Variants in TBC1D22A observed in about 807,000 individuals in gnomAD.
TBC1D22A encodes putative GTPase activator.
A neutral mutation model predicts 60.2 loss-of-function variants in TBC1D22A; 38 were observed. The observed-to-expected ratio is 0.63, with a 90% CI of 0.49 to 0.83. The LOEUF is 0.83. TBC1D22A is among the 40% of genes least tolerant of loss of function. The pLI is 0.00. For missense variants in TBC1D22A, 628 were observed against 701.0 expected, an observed-to-expected ratio of 0.90 and a Z score of 1.18; for synonymous variants, 302 against 281.7, an observed-to-expected ratio of 1.07 and a Z score of -0.72.
intron 4 of TBC1D22A, among the ~76,000 whole-genome samples, chr22:46,808,654 G>T (rs983567807): frequency 6.6e-6 from 1 of 152,116 alleles, no homozygotes; most frequent in Non-Finnish European, 1.5e-5. Flanking sequence ...GAGTGCAGTG[G>T]CGCGATGTTG....
At chr22:47,169,361 C>T (rs749192430) in intron 12 of TBC1D22A, among the ~76,000 whole-genome samples, 2 of 152,174 alleles carry the variant, frequency 1.3e-5, no homozygotes, top group African/African-American at 4.8e-5. Context: ...AAGTCGCCCA[C>T]CATCCTGAGA....
intron 8 of TBC1D22A, among the ~76,000 whole-genome samples, chr22:46,928,997 G>C (rs375935221): frequency 6.6e-6 from 1 of 152,120 alleles, no homozygotes; most frequent in Admixed American, 6.6e-5. Flanking sequence ...AGTTTCTTCT[G>C]GGGGGAGGCA....
At chr22:46,997,745 C>A (rs562285105) in intron 10 of TBC1D22A, 36 bp downstream of exon 10, 1 of 1,602,638 alleles carries the variant, frequency 6.2e-7, no homozygotes. Context: ...TCTCTGTGGG[C>A]GGGGGGAGGT....
At chr22:47,113,797 A>C (rs2065933278) in intron 12 of TBC1D22A, among the ~76,000 whole-genome samples, 1 of 152,126 alleles carries the variant, frequency 6.6e-6, no homozygotes, top group South Asian at 2.1e-4. Context: ...CCGGCCCTGG[A>C]GGCTGAAGCA....
At chr22:46,945,282 T>C (rs2072462578) in intron 8 of TBC1D22A, among the ~76,000 whole-genome samples, 1 of 152,230 alleles carries the variant, frequency 6.6e-6, no homozygotes, top group Non-Finnish European at 1.5e-5. Flanking sequence ...CATTCACTCA[T>C]TCATTCAGCG....
At chr22:46,774,770 C>T (rs781740916) in intron 1 of TBC1D22A, among the ~76,000 whole-genome samples, 10 of 152,156 alleles carry the variant, frequency 6.6e-5, no homozygotes, top group Admixed American at 1.3e-4. Context: ...CGACTGCATC[C>T]GCTCTGTTCC....
At chr22:47,167,529 A>C (rs1260528140) in intron 12 of TBC1D22A, among the ~76,000 whole-genome samples, 1 of 152,190 alleles carries the variant, frequency 6.6e-6, no homozygotes, top group African/African-American at 2.4e-5. Context: ...TTGCTCTCGC[A>C]GTTTGGCAAG....
intron 10 of TBC1D22A, among the ~76,000 whole-genome samples, chr22:47,003,565 G>T (rs374284734): frequency 9.9e-6 from 1 of 100,568 alleles, no homozygotes; most frequent in African/African-American, 4.1e-5. Context: ...CACACCCTAC[G>T]CACACATGCC....
intron 11 of TBC1D22A, among the ~76,000 whole-genome samples, chr22:47,064,654 T>G (rs1276660804): frequency 2.0e-5 from 3 of 152,236 alleles, no homozygotes; most frequent in African/African-American, 7.2e-5. Flanking sequence ...CTGTGGTGAC[T>G]GTCGCCATCA....
At chr22:46,818,845 T>C (rs1468591729) in intron 4 of TBC1D22A, among the ~76,000 whole-genome samples, 1 of 152,118 alleles carries the variant, frequency 6.6e-6, no homozygotes, top group Non-Finnish European at 1.5e-5. Flanking sequence ...ATTTTTACGA[T>C]GTTGATTCTT....
chr22:47,060,379 T>C lies in TBC1D22A; in HGVS notation c.1329+23181T>C, dbSNP rs192292293. Among the ~76,000 whole-genome samples, 99 of 151,890 alleles carry C rather than the reference T, an allele frequency of 6.5e-4. 1 individual carries two copies. The Middle Eastern group carries it at 0.014, about 21-fold the overall frequency. On this transcript the variant is annotated intron_variant, in intron 11 of 12. Transcript: ENST00000337137. ...GCCTCAGCCTCCCAAGTAGTTGGGA[T>C]TACAGGCGCCCACCACCATGCCCAG... is the stretch of plus-strand genomic sequence containing the variant.
chr22:46,855,525 G>A (rs114397701), intron 4 of TBC1D22A, among the ~76,000 whole-genome samples: 2,206 of 152,278 alleles, frequency 0.014, 49 homozygotes, highest in African/African-American at 0.051. Flanking sequence ...ATGCAGGAAG[G>A]GAGTGATTGT....
intron 10 of TBC1D22A, among the ~76,000 whole-genome samples, chr22:47,010,929 C>T (rs1030400657): frequency 5.3e-5 from 8 of 152,204 alleles, no homozygotes; most frequent in African/African-American, 1.9e-4. Context: ...GTCCCTGACT[C>T]TGGCCTTGGG....
At chr22:47,125,209 C>A (rs764983071) in intron 12 of TBC1D22A, among the ~76,000 whole-genome samples, 17 of 152,150 alleles carry the variant, frequency 1.1e-4, no homozygotes, top group Non-Finnish European at 2.2e-4. Context: ...CCAAATGCAC[C>A]CCCCTGGGTT....
intron 4 of TBC1D22A, among the ~76,000 whole-genome samples, chr22:46,824,850 A>G (rs1215622701): frequency 6.6e-6 from 1 of 152,004 alleles, no homozygotes; most frequent in Non-Finnish European, 1.5e-5. Flanking sequence ...TTTGGGGAGA[A>G]AAGAGACGGA....
chr22:46,994,550 CTT>C (rs1472109983), intron 9 of TBC1D22A, among the ~76,000 whole-genome samples: 3 of 152,242 alleles, frequency 2.0e-5, no homozygotes, highest in Non-Finnish European at 4.4e-5. Flanking sequence ...CGTGGCCTCT[CTT>C]GGAGTGGAAG....
At chr22:46,801,905 T>C (rs146579814) in intron 4 of TBC1D22A, among the ~76,000 whole-genome samples, 1 of 152,336 alleles carries the variant, frequency 6.6e-6, no homozygotes, top group Non-Finnish European at 1.5e-5. Flanking sequence ...AACAGAAGTT[T>C]GGAGCCGTAC....
In TBC1D22A at chr22:46,792,496, G is replaced by A. The variant is rs754843021; in HGVS notation, c.63-24G>A. On this transcript the variant is annotated intron_variant, in intron 1 of 12. Coordinates refer to ENST00000337137, the MANE Select transcript of TBC1D22A (RefSeq NM_014346.5). ...TGGGAAGGCAGGAGAGAGGCTCACT[G>A]GTTTTCCTTTTCTTTTCCATCAGCA... The A allele has an allele frequency of 9.3e-6, 15 of 1,614,232 alleles. No individual in the cohort carries two copies. In the South Asian group the frequency reaches 1.6e-4, roughly 18 times the overall value.
chr22:47,075,196 C>T (rs921635982), intron 11 of TBC1D22A, among the ~76,000 whole-genome samples: 2 of 139,080 alleles, frequency 1.4e-5, no homozygotes, highest in African/African-American at 2.7e-5. Context: ...GCAGTCCAGC[C>T]TGGGCGACAG....
Sources: allele counts gnomAD v4.1 joint callset (sites outside exome capture counted in the v4.1 genomes callset), GRCh38; gene constraint gnomAD v4.1.1; transcripts MANE v1.5; gene names NCBI Gene and HGNC (gene_info 2026-07-23, HGNC 2026-07-21).